Variants in YIPF7 observed in about 807,000 individuals in gnomAD.
The protein encoded by YIPF7 is protein YIPF7.
Under a neutral mutation model 27.2 loss-of-function variants are expected in YIPF7, and 35 were observed. The observed-to-expected ratio is 1.29, with a 90% CI of 0.98 to 1.70. YIPF7 has a LOEUF of 1.70. Ranked by LOEUF, YIPF7 falls within the 40% of genes most tolerant of loss-of-function variation. The probability of loss-of-function intolerance (pLI) is 0.00; values close to 1 mark genes in which losing one functional copy is unlikely to be tolerated. For missense variants in YIPF7, 358 were observed against 303.7 expected (o/e 1.18, Z -1.33); for synonymous variants, 137 against 110.4 (o/e 1.24, Z -1.51).
intron 2 of YIPF7, among the ~76,000 whole-genome samples, chr4:44,646,334 C>T (rs2109597053): frequency 6.6e-6 from 1 of 152,244 alleles, no homozygotes; most frequent in East Asian, 1.9e-4. Context: ...TGCAACATTC[C>T]TATACTCTGG....
Position 44,635,929 on chromosome 4 carries a change from C to T in YIPF7, c.273G>A (p.Leu91=), listed in dbSNP as rs371158339. ...YIDSFDEEPP[L]LEELGIHFDH... is the part of the protein sequence containing the mutation. ...AACACTTCCTTAACTTATCTTCTAG[C>T]AAAGGAGGCTCTTCATCAAAACTGT... The change falls in exon 3 of 6, where the codon TTG becomes TTA. Residue 91 remains leucine (L), a synonymous_variant. Coordinates refer to ENST00000415895, the MANE Select transcript of YIPF7 (RefSeq NM_182592.3). 1.2e-6 allele frequency: 2 copies of T among 1,613,462 alleles called. No individual in the cohort carries two copies. Among genetic ancestry groups the T allele is most frequent in the African/African-American group, 2.7e-5 (2 of 74,916 alleles).
At chr4:44,633,720 GA>G (rs60779026) in intron 3 of YIPF7, among the ~76,000 whole-genome samples, 7 of 150,408 alleles carry the variant, frequency 4.7e-5, no homozygotes, top group African/African-American at 1.7e-4. Flanking sequence ...CACAAGCTAG[GA>G]AAAAAAAAGT....
intron 2 of YIPF7, among the ~76,000 whole-genome samples, chr4:44,642,951 T>C (rs1307636376): frequency 6.6e-6 from 1 of 152,144 alleles, no homozygotes; most frequent in Non-Finnish European, 1.5e-5. Flanking sequence ...AATGGCCTAA[T>C]ACAAGAAATT....
chr4:44,632,765 AG>A (rs1400757656), intron 3 of YIPF7, among the ~76,000 whole-genome samples: 1 of 152,214 alleles, frequency 6.6e-6, no homozygotes, highest in East Asian at 1.9e-4. Flanking sequence ...TTTAGACAAA[AG>A]AGGCTTGAGG....
chr4:44,652,192 G>A (rs1713758784), upstream of YIPF7, among the ~76,000 whole-genome samples: 1 of 152,200 alleles, frequency 6.6e-6, no homozygotes, highest in East Asian at 1.9e-4. Flanking sequence ...CCATTATCGA[G>A]CCAATCCTAA....
At chr4:44,660,160 T>C (rs1051854451) in intron 2 of YIPF7, among the ~76,000 whole-genome samples, 7 of 141,686 alleles carry the variant, frequency 4.9e-5, no homozygotes, top group African/African-American at 1.8e-4. Flanking sequence ...GACCTGCATG[T>C]CTAATATTAG....
At chr4:44,634,851 C>T (rs1157376499) in intron 3 of YIPF7, among the ~76,000 whole-genome samples, 1 of 152,134 alleles carries the variant, frequency 6.6e-6, no homozygotes, top group African/African-American at 2.4e-5. Flanking sequence ...AAATGTTTAA[C>T]AAGAATAACT....
At chr4:44,643,596 TG>T (rs1713415474) in intron 2 of YIPF7, among the ~76,000 whole-genome samples, 1 of 152,132 alleles carries the variant, frequency 6.6e-6, no homozygotes, top group African/African-American at 2.4e-5. Flanking sequence ...CAAAGGCCTT[TG>T]TGTCAGTCCT....
At chr4:44,632,608 T>A (rs1361469125) in intron 3 of YIPF7, among the ~76,000 whole-genome samples, 2 of 152,188 alleles carry the variant, frequency 1.3e-5, no homozygotes, top group Non-Finnish European at 2.9e-5. Flanking sequence ...AACAACACAT[T>A]TTTGTGCATA....
chr4:44,628,063 A>G (rs1712736347), intron 4 of YIPF7, among the ~76,000 whole-genome samples: 1 of 152,158 alleles, frequency 6.6e-6, no homozygotes, highest in South Asian at 2.1e-4. Flanking sequence ...TAATATATTA[A>G]ATTGATTGTT....
intron 1 of YIPF7, among the ~76,000 whole-genome samples, chr4:44,650,974 C>T (rs529190556): frequency 1.3e-5 from 2 of 152,266 alleles, no homozygotes; most frequent in East Asian, 3.9e-4. Flanking sequence ...TTATTCAACT[C>T]AACATTTAAT....
At chr4:44,623,057 C>T (rs1343648667) in intron 5 of YIPF7, among the ~76,000 whole-genome samples, 1 of 152,184 alleles carries the variant, frequency 6.6e-6, no homozygotes, top group African/African-American at 2.4e-5. Context: ...CACAAAAAGC[C>T]TGACACAGCT....
chr4:44,629,677 C>G (rs1229947462), intron 3 of YIPF7, 129 bp from the exon 4 acceptor site: 1 of 644,236 alleles, frequency 1.6e-6, no homozygotes, highest in African/African-American at 1.9e-5. Context: ...TTCTATCATA[C>G]CTTCTAAAGT....
chr4:44,629,423 G>C lies in YIPF7; in HGVS notation c.406C>G (p.Leu136Val), dbSNP rs762684011. The part of the protein sequence containing the change: ...LTGPILFCVA[L>V]GATLLLAGKV... ...ATTACCAGAAGCAAGGTGGCTCCCA[G>C]GGCTACGCAAAAAAGAATGGGTCCA... The change falls in exon 4 of 6, where the codon CTG becomes GTG. Residue 136 changes from leucine to valine, a missense_variant. Leu to Val is a conservative substitution (Grantham distance 32, BLOSUM62 1). Coordinates refer to ENST00000415895, the MANE Select transcript of YIPF7 (RefSeq NM_182592.3). 1.9e-6 allele frequency: 3 copies of C among 1,596,150 alleles called. No individual in the cohort carries two copies. The highest frequency in any genetic ancestry group is 2.6e-6 in the Non-Finnish European group (3 of 1,171,450).
In YIPF7 at chr4:44,636,022, C is replaced by G; in HGVS notation, c.180G>C (p.Ser60=). The part of the protein sequence containing the change: ...SFVPSEMLMS[S]GYAGQFFQPA... ...GCTGAAAAAATTGTCCTGCGTAACC[C>G]GATGACATGAGCATCTCTGATGGAA... The change falls in exon 3 of 6, where the codon TCG becomes TCC. Residue 60 remains serine (S), a synonymous_variant. Transcript: ENST00000415895. The G allele has an allele frequency of 6.2e-7, 1 of 1,613,760 alleles. No individual in the cohort carries two copies. The highest frequency in any genetic ancestry group is 1.6e-4 in the Middle Eastern group (1 of 6,062).
intron 2 of YIPF7, among the ~76,000 whole-genome samples, chr4:44,638,079 A>G (rs901111888): frequency 2.0e-5 from 3 of 152,182 alleles, no homozygotes; most frequent in Admixed American, 6.5e-5. Flanking sequence ...TGGCCAAGAA[A>G]CGTGAAAAAA....
chr4:44,628,633 GTCAGAGACATTTTC>G (rs11274168), intron 4 of YIPF7, among the ~76,000 whole-genome samples: 24,602 of 151,756 alleles, frequency 0.16, 2,240 homozygotes, highest in East Asian at 0.32. Context: ...TTGGTATAAA[GTCAGAGACATTTTC>G]TCATTTTTTT....
intron 5 of YIPF7, among the ~76,000 whole-genome samples, chr4:44,623,157 C>T (rs192246451): frequency 3.3e-4 from 50 of 152,304 alleles, no homozygotes; most frequent in African/African-American, 1.2e-3. Flanking sequence ...TTTTAGAATG[C>T]TGAAATAGAT....
At chr4:44,636,890 C>A (rs932123547) in intron 2 of YIPF7, among the ~76,000 whole-genome samples, 2 of 152,108 alleles carry the variant, frequency 1.3e-5, no homozygotes, top group African/African-American at 4.8e-5. Context: ...ACTAATTTAT[C>A]ATCACTCCTC....
Sources: gnomAD v4.1 joint callset for allele counts (sites outside exome capture counted in the v4.1 genomes callset) on GRCh38, gnomAD v4.1.1 for gene constraint, MANE v1.5 for transcripts, NCBI Gene and HGNC (gene_info 2026-07-23, HGNC 2026-07-21) for gene names.